Variants in NPAS3 observed in about 807,000 individuals in gnomAD.
NPAS3 encodes the protein neuronal PAS domain-containing protein 3.
Under a neutral mutation model 73.1 loss-of-function variants are expected in NPAS3, and 14 were observed. The ratio of observed to expected loss-of-function variants is 0.19; its 90% CI spans 0.13 to 0.30. The LOEUF (loss-of-function observed/expected upper bound fraction) is 0.30, where lower values mean the gene tolerates loss of function less well. NPAS3 is among the 10% of genes least tolerant of loss of function. NPAS3 has a pLI of 1.00. For missense variants in NPAS3, 1,096 were observed against 1,250.0 expected (o/e 0.88, Z 1.86); for synonymous variants, 620 against 541.5 (o/e 1.14, Z -2.01).
chr14:33,708,773 G>A (rs2060734301), intron 6 of NPAS3, among the ~76,000 whole-genome samples: 1 of 152,132 alleles, frequency 6.6e-6, no homozygotes, highest in African/African-American at 2.4e-5. Context: ...GTCGAAGCAG[G>A]CAAAGGGCAA....
Position 33,645,217 on chromosome 14 carries a change from G to A in NPAS3, c.559-30994G>A, listed in dbSNP as rs115431796. Among the ~76,000 whole-genome samples, 109 of 152,278 alleles carry A rather than the reference G, an allele frequency of 7.2e-4. 2 individuals carry two copies. The Middle Eastern group carries it at 0.01, about 14-fold the overall frequency. ...GGATTTCTAAGGGCAGTTGTTCAGG[G>A]TACCTGATACTTAGTTCCTCAAAAT... On this transcript the variant is annotated intron_variant, in intron 5 of 11. Coordinates refer to ENST00000356141, the Ensembl canonical transcript of NPAS3.
chr14:33,454,800 G>A (rs542150816), intron 4 of NPAS3, among the ~76,000 whole-genome samples: 1 of 152,258 alleles, frequency 6.6e-6, no homozygotes, highest in East Asian at 1.9e-4. Context: ...TCCAAGAATA[G>A]GTATGTGTAT....
intron 2 of NPAS3, among the ~76,000 whole-genome samples, chr14:33,183,154 G>A (rs111867248): frequency 4.6e-5 from 7 of 152,046 alleles, no homozygotes; most frequent in African/African-American, 7.2e-5. Context: ...GGCTGGGTGC[G>A]GTGGCTCATG....
At chr14:33,191,776 G>C (rs546049153) in intron 2 of NPAS3, among the ~76,000 whole-genome samples, 3 of 152,182 alleles carry the variant, frequency 2.0e-5, no homozygotes, top group Non-Finnish European at 4.4e-5. Flanking sequence ...TTTGTAGCTA[G>C]AGATACTTAT....
At chr14:32,969,530 A>G (rs1483654801) in intron 1 of NPAS3, among the ~76,000 whole-genome samples, 1 of 152,222 alleles carries the variant, frequency 6.6e-6, no homozygotes, top group African/African-American at 2.4e-5. Context: ...TCTGGACCAA[A>G]TCCTCTTTCT....
At chr14:33,401,853 C>T (rs1203810813) in intron 4 of NPAS3, among the ~76,000 whole-genome samples, 1 of 152,014 alleles carries the variant, frequency 6.6e-6, no homozygotes, top group Non-Finnish European at 1.5e-5. Context: ...TCCAGCAGAT[C>T]TTTGGTGGAA....
chr14:33,696,504 G>A (rs72664523), intron 6 of NPAS3, among the ~76,000 whole-genome samples: 2,180 of 152,228 alleles, frequency 0.014, 21 homozygotes, highest in Non-Finnish European at 0.021. Context: ...GTAGAGTAAC[G>A]CATTCGGTAA....
chr14:33,326,743 T>C (rs554788171), intron 3 of NPAS3, among the ~76,000 whole-genome samples: 4 of 152,248 alleles, frequency 2.6e-5, no homozygotes, highest in Non-Finnish European at 5.9e-5. Flanking sequence ...GGAAATATGA[T>C]CTCTTGCACC....
At chr14:33,498,931 A>AGTGT (rs768888278) in intron 4 of NPAS3, among the ~76,000 whole-genome samples, 202 of 119,234 alleles carry the variant, frequency 1.7e-3, no homozygotes, top group East Asian at 4.0e-3. Flanking sequence ...AGAGACAGAG[A>AGTGT]GAGAGTGTGT....
intron 2 of NPAS3, among the ~76,000 whole-genome samples, chr14:33,123,141 A>C (rs2043294472): frequency 6.6e-6 from 1 of 152,108 alleles, no homozygotes; most frequent in African/African-American, 2.4e-5. Flanking sequence ...ATAGTATTTT[A>C]TGTAGAAGAT....
chr14:33,651,696 TTTCTA>T (rs2058999290), intron 5 of NPAS3, among the ~76,000 whole-genome samples: 1 of 152,104 alleles, frequency 6.6e-6, no homozygotes, highest in Non-Finnish European at 1.5e-5. Context: ...TAATACCCCC[TTTCTA>T]TAAGGTCATT....
At chr14:33,710,413 G>A (rs528391798) in intron 6 of NPAS3, among the ~76,000 whole-genome samples, 1 of 152,298 alleles carries the variant, frequency 6.6e-6, no homozygotes, top group South Asian at 2.1e-4. Flanking sequence ...GGTCATTTGT[G>A]AACCACATAG....
intron 8 of NPAS3, among the ~76,000 whole-genome samples, chr14:33,777,405 A>G (rs979868743): frequency 1.3e-5 from 2 of 152,290 alleles, no homozygotes; most frequent in Admixed American, 6.5e-5. Context: ...GATGGGTAAT[A>G]TATTTTAATT....
intron 3 of NPAS3, among the ~76,000 whole-genome samples, chr14:33,230,982 A>G (rs1331162048): frequency 2.0e-5 from 3 of 152,212 alleles, no homozygotes; most frequent in African/African-American, 7.2e-5. Context: ...CACTCTACCA[A>G]TGCAGATACG....
intron 1 of NPAS3, among the ~76,000 whole-genome samples, chr14:33,040,754 G>T (rs896834320): frequency 1.3e-4 from 20 of 152,162 alleles, no homozygotes; most frequent in Non-Finnish European, 1.2e-4. Flanking sequence ...CTGTCACTTT[G>T]CTTTTCTTAC....
intron 5 of NPAS3, among the ~76,000 whole-genome samples, chr14:33,570,064 G>T (rs2056140040): frequency 6.6e-6 from 1 of 152,070 alleles, no homozygotes; most frequent in African/African-American, 2.4e-5. Flanking sequence ...CCTTTTTTGG[G>T]CTTTAAATGT....
chr14:33,166,160 C>T (rs928533161), intron 2 of NPAS3, among the ~76,000 whole-genome samples: 4 of 152,180 alleles, frequency 2.6e-5, no homozygotes, highest in Non-Finnish European at 4.4e-5. Flanking sequence ...CCCCTCACCC[C>T]TCGGTTCAAT....
intron 4 of NPAS3, among the ~76,000 whole-genome samples, chr14:33,408,565 G>A (rs1209490616): frequency 6.6e-6 from 1 of 151,996 alleles, no homozygotes; most frequent in Non-Finnish European, 1.5e-5. Context: ...CCTTGCATGA[G>A]GTAATTTCAA....
intron 5 of NPAS3, among the ~76,000 whole-genome samples, chr14:33,675,861 C>T (rs976680429): frequency 1.3e-5 from 2 of 152,060 alleles, no homozygotes; most frequent in African/African-American, 2.4e-5. Flanking sequence ...TTCAGTCAAT[C>T]ATGTGGTTGA....
Sources: gnomAD v4.1 joint callset for allele counts (sites outside exome capture counted in the v4.1 genomes callset) on GRCh38, gnomAD v4.1.1 for gene constraint, MANE v1.5 for transcripts, NCBI Gene and HGNC (gene_info 2026-07-23, HGNC 2026-07-21) for gene names.